ERBB4: variants seen among roughly 807,000 people sequenced by gnomAD.
The protein encoded by ERBB4 is receptor tyrosine-protein kinase erbB-4.
Under a neutral mutation model 158.0 loss-of-function variants are expected in ERBB4, and 42 were observed. That is an observed-to-expected ratio of 0.27 (90% confidence interval 0.21 to 0.34). ERBB4 has a LOEUF of 0.34. Among genes scored for constraint, ERBB4 ranks in the 10% least tolerant of loss-of-function variants. The probability of loss-of-function intolerance (pLI) is 1.00; values close to 1 mark genes in which losing one functional copy is unlikely to be tolerated. For missense variants in ERBB4, 1,333 were observed against 1,624.1 expected (o/e 0.82, Z 3.08); for synonymous variants, 583 against 558.7 (o/e 1.04, Z -0.61).
chr2:212,467,785 A>G (rs1688911416), intron 1 of ERBB4, among the ~76,000 whole-genome samples: 1 of 152,192 alleles, frequency 6.6e-6, no homozygotes, highest in Non-Finnish European at 1.5e-5. Flanking sequence ...CAGACCCCAG[A>G]ATGGTAGATC....
intron 1 of ERBB4, among the ~76,000 whole-genome samples, chr2:212,482,118 C>T (rs995490102): frequency 2.0e-5 from 3 of 152,224 alleles, no homozygotes; most frequent in African/African-American, 7.2e-5. Flanking sequence ...TGTGTTGACA[C>T]TGACCACACT....
At chr2:212,345,341 A>G (rs1262415881) in intron 1 of ERBB4, among the ~76,000 whole-genome samples, 2 of 151,132 alleles carry the variant, frequency 1.3e-5, no homozygotes, top group Non-Finnish European at 1.5e-5. Context: ...TATTATTGCT[A>G]TTCCTAACAG....
intron 3 of ERBB4, among the ~76,000 whole-genome samples, chr2:211,939,669 C>T (rs1013371629): frequency 6.6e-6 from 1 of 152,010 alleles, no homozygotes; most frequent in Admixed American, 6.6e-5. Flanking sequence ...ATTTGGTGGC[C>T]GGGCATGGTG....
intron 4 of ERBB4, among the ~76,000 whole-genome samples, chr2:211,786,940 A>G (rs977752195): frequency 2.0e-5 from 3 of 152,206 alleles, no homozygotes; most frequent in South Asian, 2.1e-4. Context: ...AATCCCATAC[A>G]AATTTCTGTT....
At chr2:212,453,161 T>G (rs1246518961) in intron 1 of ERBB4, among the ~76,000 whole-genome samples, 1 of 152,180 alleles carries the variant, frequency 6.6e-6, no homozygotes, top group Non-Finnish European at 1.5e-5. Flanking sequence ...TATAAAAATG[T>G]TATATGATGA....
intron 1 of ERBB4, among the ~76,000 whole-genome samples, chr2:212,214,214 T>A (rs1204387554): frequency 1.3e-5 from 2 of 151,886 alleles, no homozygotes; most frequent in Admixed American, 1.3e-4. Flanking sequence ...TACATCTTCC[T>A]GTGATAATGG....
intron 2 of ERBB4, among the ~76,000 whole-genome samples, chr2:212,049,174 T>C (rs2077335394): frequency 6.6e-6 from 1 of 152,250 alleles, no homozygotes; most frequent in African/African-American, 2.4e-5. Flanking sequence ...AAATCTTTCC[T>C]TGTTTACATT....
At chr2:212,069,961 G>T (rs1229381067) in intron 2 of ERBB4, among the ~76,000 whole-genome samples, 5 of 111,552 alleles carry the variant, frequency 4.5e-5, no homozygotes, top group African/African-American at 1.3e-4. Context: ...TTAAAAAAAA[G>T]AAAAAAGAAA....
intron 1 of ERBB4, among the ~76,000 whole-genome samples, chr2:212,313,585 T>C (rs1010920677): frequency 6.6e-6 from 1 of 150,854 alleles, no homozygotes; most frequent in East Asian, 2.0e-4. Flanking sequence ...CTTAAAATAA[T>C]AGATGTAATT....
intron 20 of ERBB4, among the ~76,000 whole-genome samples, chr2:211,445,195 T>C (rs2125462121): frequency 6.6e-6 from 1 of 152,200 alleles, no homozygotes; most frequent in Middle Eastern, 3.4e-3. Context: ...ATTGACTTGA[T>C]CAGATTTGGC....
At chr2:211,887,826 G>A (rs1192970291) in intron 3 of ERBB4, among the ~76,000 whole-genome samples, 1 of 152,146 alleles carries the variant, frequency 6.6e-6, no homozygotes, top group Non-Finnish European at 1.5e-5. Flanking sequence ...AAGAGGGTAT[G>A]GATTTGAATC....
intron 3 of ERBB4, among the ~76,000 whole-genome samples, chr2:211,829,711 C>G (rs2077179194): frequency 6.6e-6 from 1 of 152,194 alleles, no homozygotes; most frequent in South Asian, 2.1e-4. Flanking sequence ...CCTTGAGTTT[C>G]CTTAATATGT....
rs548695246 is a variant in ERBB4 at position 211,854,496 on chromosome 2, C to T, written c.422-66337G>A. Among the ~76,000 whole-genome samples, 38 of 152,242 alleles carry T rather than the reference C, an allele frequency of 2.5e-4. No homozygotes were observed. In the South Asian group the frequency reaches 7.7e-3, roughly 31 times the overall value. ...TCCCTTCACAATTGCTACATCCTCACCTTTCAACAGGCAATGCCATCATGA... is the reference window on the plus strand; with the variant it reads ...TCCCTTCACAATTGCTACATCCTCATCTTTCAACAGGCAATGCCATCATGA... On this transcript the variant is annotated intron_variant, in intron 3 of 27. Transcript: ENST00000342788.
chr2:212,482,263 A>T (rs1019777609), intron 1 of ERBB4, among the ~76,000 whole-genome samples: 1 of 152,244 alleles, frequency 6.6e-6, no homozygotes, highest in Non-Finnish European at 1.5e-5. Flanking sequence ...CCGCTGATTG[A>T]ATGTGTTAAA....
At chr2:211,716,861 T>C (rs2073934804) in intron 7 of ERBB4, among the ~76,000 whole-genome samples, 1 of 151,646 alleles carries the variant, frequency 6.6e-6, no homozygotes, top group African/African-American at 2.4e-5. Flanking sequence ...AGCCTGTAGT[T>C]TGAGATACAC....
chr2:212,451,342 A>T (rs1452817223), intron 1 of ERBB4, among the ~76,000 whole-genome samples: 4 of 152,248 alleles, frequency 2.6e-5, no homozygotes, highest in African/African-American at 7.2e-5. Flanking sequence ...TGGAAAAATC[A>T]TAAACTACTT....
chr2:212,267,653 G>T (rs979364257), intron 1 of ERBB4, among the ~76,000 whole-genome samples: 9 of 143,280 alleles, frequency 6.3e-5, no homozygotes, highest in Admixed American at 3.6e-4. Context: ...CAATGTGCAG[G>T]TTTGTTACAT....
At chr2:212,338,502 A>G (rs2088554949) in intron 1 of ERBB4, among the ~76,000 whole-genome samples, 1 of 152,116 alleles carries the variant, frequency 6.6e-6, no homozygotes, top group South Asian at 2.1e-4. Context: ...AAGTATAAAA[A>G]CACTTCACCA....
intron 19 of ERBB4, among the ~76,000 whole-genome samples, chr2:211,609,685 A>G (rs1441685284): frequency 6.6e-6 from 1 of 152,172 alleles, no homozygotes; most frequent in Non-Finnish European, 1.5e-5. Flanking sequence ...CTAGGACTAC[A>G]GGGGTAGGAC....
Sources: allele counts gnomAD v4.1 joint callset (sites outside exome capture counted in the v4.1 genomes callset), GRCh38; gene constraint gnomAD v4.1.1; transcripts MANE v1.5; gene names NCBI Gene and HGNC (gene_info 2026-07-23, HGNC 2026-07-21).